The following TTN variants were observed in gnomAD, a reference collection of about 807,000 sequenced individuals.
The protein encoded by TTN is connectin.
TTN carries 1,525 observed loss-of-function variants against 3,223.0 expected under a neutral mutation model. That is an observed-to-expected ratio of 0.47 (90% CI 0.45 to 0.49). TTN has a LOEUF of 0.49. Among genes scored for constraint, TTN ranks in the 20% least tolerant of loss-of-function variants. The pLI, the probability that TTN is intolerant of heterozygous loss-of-function variation, is 0.00. For missense variants in TTN, 40,786 were observed against 43,424.0 expected, an observed-to-expected ratio of 0.94 and a Z score of 5.40; for synonymous variants, 14,094 against 15,161.0, an observed-to-expected ratio of 0.93 and a Z score of 5.17.
chr2:178,633,337 AC>A lies in TTN; in HGVS notation c.42947-12del. 1 of 1,612,866 alleles carries A rather than the reference AC, an allele frequency of 6.2e-7. No individual in the cohort carries two copies. Among genetic ancestry groups the A allele is most frequent in the Non-Finnish European group, 8.5e-7 (1 of 1,179,380 alleles). ...CTTTTATTAGTCGAGCTGAAATGAT[AC>A]AGTTTTGTTAGCATGACTGAACTAA... On this transcript the variant is annotated splice_polypyrimidine_tract_variant and intron_variant, in intron 232 of 362. Transcript: ENST00000589042.
At position 178,632,711 on chromosome 2, in the gene TTN, G is replaced by A. The variant is rs1204829254; in HGVS notation, c.43295C>T (p.Ser14432Phe). 6.2e-7 allele frequency: 1 copy of A among 1,613,172 alleles called. No individual in the cohort carries two copies. The highest frequency in any genetic ancestry group is 1.3e-5 in the African/African-American group (1 of 74,852). The change falls in exon 235 of 363, where the codon TCC (serine) becomes TTC (phenylalanine). Residue 14432 changes from serine (S) to phenylalanine (F), a missense_variant. Transcript: ENST00000589042. ...KDEAKFECEVSREPKTFRWLK... is the reference protein window; with the variant it reads ...KDEAKFECEVFREPKTFRWLK... ...CCAACGGAATGTTTTGGGCTCCCTG[G>A]ATACTTCACACTCAAACTTAGCCTC... is the stretch of plus-strand genomic sequence containing the variant.
In TTN at chr2:178,759,047, A is replaced by C; in HGVS notation, c.10240T>G (p.Tyr3414Asp). Residue 3414 changes from tyrosine to aspartate, a missense_variant, in exon 44 of 363, where the codon TAC becomes GAC. Tyr to Asp is a radical substitution (Grantham distance 160). Coordinates refer to ENST00000589042, the MANE Select transcript of TTN (RefSeq NM_001267550.2). Reference protein sequence around the residue: ...AEAYPEDEGTYTFVASNAVGQ... With the variant: ...AEAYPEDEGTDTFVASNAVGQ... The stretch of plus-strand genomic sequence containing the variant: ...ACAGCATTACTAGCAACAAACGTGT[A>C]AGTTCCTTCATCTTCTGGATAAGCT... 1 of 1,614,040 alleles carries C rather than the reference A, an allele frequency of 6.2e-7. No individual in the cohort carries two copies. The highest frequency in any genetic ancestry group is 8.5e-7 in the Non-Finnish European group (1 of 1,179,936).
In TTN at chr2:178,563,516, G is replaced by C. The variant is rs727503556; in HGVS notation, c.82616C>G (p.Ser27539Cys). 8 of 1,613,652 alleles carry C rather than the reference G, an allele frequency of 5.0e-6. No individual in the cohort carries two copies. The African/African-American group carries it at 1.1e-4, about 22-fold the overall frequency. The change falls in exon 326 of 363, where the codon TCC (serine) becomes TGC (cysteine). Residue 27539 changes from serine (S) to cysteine (C), a missense_variant. Transcript: ENST00000589042. The surrounding 1 kb of genome is among the most constrained non-coding windows in gnomAD (Gnocchi z 4.5). Reference sequence around the variant, plus strand: ...TTCAGCAGCAACTCTGAATTCATAGGAATGGCCTTCGGTAAGACCAGTTAC... The same window carrying C: ...TTCAGCAGCAACTCTGAATTCATAGCAATGGCCTTCGGTAAGACCAGTTAC... ...LRVTGLTEGHSYEFRVAAENA... is the reference protein window; with the variant it reads ...LRVTGLTEGHCYEFRVAAENA...
At chr2:178,582,256 T>G (rs376565971) in intron 314 of TTN, 40 bp downstream of exon 314, 31 of 1,576,230 alleles carry the variant, frequency 2.0e-5, no homozygotes, top group Non-Finnish European at 2.6e-5. Flanking sequence ...AAAGATAATT[T>G]TAAAAAATAA....
rs763117242 is a variant in TTN at position 178,731,429 on chromosome 2, G to C, written c.17337C>G (p.Thr5779=). ...ACAAACTGGCCACATTGTTCTCAAA[G>C]GTCATTCTTATATTATCGTCTTCAG... ...EITEDDNIRM[T]FENNVASLYL... The change falls in exon 59 of 363, where the codon ACC becomes ACG. Residue 5779 remains threonine, a synonymous_variant. Transcript: ENST00000589042. 2.5e-6 allele frequency: 4 copies of C among 1,613,716 alleles called. No homozygotes were observed. Among genetic ancestry groups the C allele is most frequent in the East Asian group, 4.5e-5 (2 of 44,862 alleles).
rs1360848714 is a variant in TTN, at chr2:178,569,067, T to C, written c.77065A>G (p.Thr25689Ala). 2.5e-6 allele frequency: 4 copies of C among 1,613,214 alleles called. No homozygotes were observed. In the African/African-American group the frequency reaches 4.0e-5, roughly 16 times the overall value. ...TCTGCAACCTTAATTGGATCAGCAG[T>C]CTGGGCAGGAAGGCCAATACCATAC... ...NEYGIGLPAQ[T>A]ADPIKVAEVP... Residue 25689 changes from threonine to alanine, a missense_variant, in exon 326 of 363, where the codon ACT becomes GCT. Coordinates refer to ENST00000589042, the MANE Select transcript of TTN (RefSeq NM_001267550.2).
Position 178,598,925 on chromosome 2 carries a change from T to C in TTN, c.56785A>G (p.Lys18929Glu). The change falls in exon 291 of 363, where the codon AAG (lysine) becomes GAG (glutamate). Residue 18929 changes from lysine (K) to glutamate (E), a missense_variant. Transcript: ENST00000589042. Reference protein sequence around the residue: ...YWLEMKDTTSKRWKRVNRDPI... With the variant: ...YWLEMKDTTSERWKRVNRDPI... The stretch of plus-strand genomic sequence containing the variant: ...TCTCGGTTAACTCTCTTCCATCTCT[T>C]TGAAGTGGTGTCTTTCATTTCCAGC... 2 of 1,613,010 alleles carry C rather than the reference T, an allele frequency of 1.2e-6. No homozygotes were observed. The highest frequency in any genetic ancestry group is 1.1e-5 in the South Asian group (1 of 91,036).
rs2067944329 is a variant in TTN, at chr2:178,675,755, C to A, written c.34454-1G>T. 1.4e-6 allele frequency: 2 copies of A among 1,476,540 alleles called. No individual in the cohort carries two copies. Among genetic ancestry groups the A allele is most frequent in the Admixed American group, 2.3e-5 (1 of 43,226 alleles). The allele number at this position is 1,476,540 out of a possible 1,614,324, so 91.5% of individuals were successfully genotyped here. On this transcript the variant is annotated splice_acceptor_variant, in intron 148 of 362. Transcript: ENST00000589042. LOFTEE classifies it high-confidence loss of function. ...TCAGGTTTCTTAGGTACCACAGACA[C>A]TTTAAAAATATTATTTTATTTTATA...
rs182161195 is a variant in TTN, at chr2:178,570,938, T to C, written c.75194A>G (p.His25065Arg). The stretch of plus-strand genomic sequence containing the variant: ...TTCAACTAGGCCAGTTACTTCAAAA[T>C]GAGTGTCAATAATATTTGTAAAACT... ...KASFTNIIDTHFEVTGLVEDH... is the reference protein window; with the variant it reads ...KASFTNIIDTRFEVTGLVEDH... Residue 25065 changes from histidine to arginine, a missense_variant, in exon 326 of 363, where the codon CAT becomes CGT. Physicochemically the swap from His to Arg is conservative, Grantham distance 29. Coordinates refer to ENST00000589042, the MANE Select transcript of TTN (RefSeq NM_001267550.2). 2.1e-4 allele frequency: 335 copies of C among 1,613,510 alleles called. 1 individual carries two copies. In the East Asian group the frequency reaches 7.3e-3, roughly 35 times the overall value.
rs755994820 is a variant in TTN, at chr2:178,611,030, G to A, written c.51099C>T (p.Leu17033=). ...CATTGATTGAGGCTGTTGCTGAGCC[G>A]AGCTTATTCTCCAGTGTAATGGTAT... is the stretch of plus-strand genomic sequence containing the variant. ...GIYTITLENK[L]GSATASINVK... is the part of the protein sequence containing the mutation. The change falls in exon 270 of 363, where the codon CTC becomes CTT. Residue 17033 remains leucine (L), a synonymous_variant. Transcript: ENST00000589042. 2.8e-5 allele frequency: 45 copies of A among 1,612,446 alleles called. No individual in the cohort carries two copies. Among genetic ancestry groups the A allele is most frequent in the Non-Finnish European group, 3.5e-5 (41 of 1,179,086 alleles).
rs754729983 is a variant in TTN, at chr2:178,736,052, G to C, written c.14394C>G (p.Leu4798=). Reference sequence around the variant, plus strand: ...AAGTTGTAAGGGACTTAGGTCTGGAGAGAAAGGTTGGTGGATATGCCTCTG... The same window carrying C: ...AAGTTGTAAGGGACTTAGGTCTGGACAGAAAGGTTGGTGGATATGCCTCTG... ...TVTEAYPPTF[L]SRPKSLTTFV... Residue 4798 remains leucine, a synonymous_variant, in exon 50 of 363, where the codon CTC becomes CTG. Transcript: ENST00000589042. The C allele has an allele frequency of 3.2e-5, 51 of 1,592,490 alleles. No homozygotes were observed. The highest frequency in any genetic ancestry group is 4.1e-5 in the Non-Finnish European group (48 of 1,169,168).
In TTN at chr2:178,559,980, C is replaced by A. The variant is rs2154158315; in HGVS notation, c.86152G>T (p.Gly28718Ter). 6.2e-7 allele frequency: 1 copy of A among 1,613,778 alleles called. No homozygotes were observed. Among genetic ancestry groups the A allele is most frequent in the Non-Finnish European group, 8.5e-7 (1 of 1,179,814 alleles). Residue 28718 changes from glycine (G) to a stop codon, truncating the protein, a stop_gained, in exon 326 of 363, where the codon GGA becomes TGA. Transcript: ENST00000589042. LOFTEE classifies it high-confidence loss of function. ...TTTACTCTGAAAACATATTCAGCTC[C>A]TGTTGTTAGTCCGCTTATTGTATAT... is the stretch of plus-strand genomic sequence containing the variant. The part of the protein sequence containing the change: ...TEYTISGLTT[G>*]AEYVFRVKSV...
chr2:178,563,369 G>A lies in TTN; in HGVS notation c.82763C>T (p.Ser27588Phe). ...KVTDTSRSSVSLAWSKPIYDG... is the reference protein window; with the variant it reads ...KVTDTSRSSVFLAWSKPIYDG... ...ATAAATTGGCTTACTCCATGCCAGG[G>A]AGACAGAAGATCTGGAAGTGTCCGT... The change falls in exon 326 of 363, where the codon TCC becomes TTC. Residue 27588 changes from serine (S) to phenylalanine (F), a missense_variant. Transcript: ENST00000589042. This position sits in a 1 kb window ranked among gnomAD's most constrained non-coding sequence, Gnocchi z 4.5. 2.5e-6 allele frequency: 4 copies of A among 1,613,544 alleles called. No homozygotes were observed. Among genetic ancestry groups the A allele is most frequent in the Non-Finnish European group, 3.4e-6 (4 of 1,179,698 alleles).
chr2:178,713,038 T>G (rs1237352003), intron 93 of TTN, 47 bp downstream of exon 93: 1 of 1,605,566 alleles, frequency 6.2e-7, no homozygotes, highest in African/African-American at 1.3e-5. Context: ...ACAAACATGC[T>G]TAATAAACTA....
chr2:178,585,418 G>A, intron 308 of TTN, 71 bp from the exon 309 acceptor site: 1 of 1,482,272 alleles, frequency 6.7e-7, no homozygotes, highest in Non-Finnish European at 9.0e-7. Context: ...AGCTATACTG[G>A]TGCAAATTAA....
Position 178,544,503 on chromosome 2 carries a change from G to A in TTN, c.95726C>T (p.Thr31909Ile), listed in dbSNP as rs997340744. Residue 31909 changes from threonine to isoleucine, a missense_variant, in exon 345 of 363, where the codon ACC (threonine) becomes ATC (isoleucine). By Grantham distance (89) the Thr-to-Ile change is moderately conservative. Coordinates refer to ENST00000589042, the MANE Select transcript of TTN (RefSeq NM_001267550.2). ...TCTTGGAGCAGAAGGTGGTCCAGGGGTATCTGTGGAATTTAAAAAGTGAGA... is the reference window on the plus strand; with the variant it reads ...TCTTGGAGCAGAAGGTGGTCCAGGGATATCTGTGGAATTTAAAAAGTGAGA... ...NFISCREPSY[T>I]PGPPSAPRVV... 6.3e-7 allele frequency: 1 copy of A among 1,587,946 alleles called. No homozygotes were observed. The highest frequency in any genetic ancestry group is 8.6e-7 in the Non-Finnish European group (1 of 1,162,592).
rs878854434 is a variant in TTN, at chr2:178,764,307, A to C, written c.9989-5T>G. The C allele has an allele frequency of 1.9e-6, 3 of 1,613,870 alleles. No individual in the cohort carries two copies. The highest frequency in any genetic ancestry group is 2.5e-6 in the Non-Finnish European group (3 of 1,179,908). Reference sequence around the variant, plus strand: ...CAGGAGACACAACTTCTGGAACTAAAGAAAGAAACCACAAGATTTGTCATG... The same window carrying C: ...CAGGAGACACAACTTCTGGAACTAACGAAAGAAACCACAAGATTTGTCATG... On this transcript the variant is annotated splice_polypyrimidine_tract_variant and splice_region_variant and intron_variant, in intron 42 of 362. Transcript: ENST00000589042.
chr2:178,776,385 C>A lies in TTN; in HGVS notation c.5479G>T (p.Ala1827Ser), dbSNP rs141213991. 1.3e-3 allele frequency: 2,054 copies of A among 1,612,876 alleles called. 2 individuals are homozygous for A. The highest frequency in any genetic ancestry group is 1.6e-3 in the Non-Finnish European group (1,869 of 1,179,964). Residue 1827 changes from alanine to serine, a missense_variant, in exon 28 of 363, where the codon GCA (alanine) becomes TCA (serine). Transcript: ENST00000589042. ...EELERMAHEG[A>S]LTGVTTDQKE... ...TGATCTGTTGTTACACCTGTAAGTG[C>A]ACCTTCATGAGCCATTCTCTCTAAT...
intron 47 of TTN, chr2:178,745,284 G>A (rs1480251047): frequency 1.2e-5 from 15 of 1,208,836 alleles, no homozygotes; most frequent in Non-Finnish European, 1.6e-5. Context: ...ACACTTTGTG[G>A]AGGAGGCATG....
Sources: allele counts gnomAD v4.1 joint callset, GRCh38; gene constraint gnomAD v4.1.1; non-coding constraint Gnocchi (gnomAD v3.1); transcripts MANE v1.5; gene names NCBI Gene and HGNC (gene_info 2026-07-23, HGNC 2026-07-21).